Variants in TPH2 observed in about 807,000 individuals in gnomAD.
TPH2 encodes tryptophan 5-hydroxylase 2.
Under a neutral mutation model 59.1 loss-of-function variants are expected in TPH2, and 27 were observed. The ratio of observed to expected loss-of-function variants is 0.46; its 90% CI spans 0.34 to 0.63. The LOEUF (loss-of-function observed/expected upper bound fraction) is 0.63. Among genes scored for constraint, TPH2 ranks in the 30% least tolerant of loss-of-function variants. TPH2 has a pLI of 0.01. For missense variants in TPH2, 523 were observed against 588.3 expected, an observed-to-expected ratio of 0.89 and a Z score of 1.15; for synonymous variants, 220 against 210.5, an observed-to-expected ratio of 1.05 and a Z score of -0.39.
At chr12:71,939,150 C>T (rs1870983859) in intron 1 of TPH2, 59 bp downstream of exon 1, 4 of 1,282,396 alleles carry the variant, frequency 3.1e-6, no homozygotes, top group Non-Finnish European at 4.5e-6. Context: ...ACCATCTTCT[C>T]CTCACCATAT....
chr12:71,986,271 C>T (rs1389251577), intron 7 of TPH2, among the ~76,000 whole-genome samples: 1 of 152,160 alleles, frequency 6.6e-6, no homozygotes, highest in African/African-American at 2.4e-5. Context: ...CACCCTTACT[C>T]GGCACCTCTT....
At chr12:71,940,148 C>G (rs1052117499) in intron 1 of TPH2, among the ~76,000 whole-genome samples, 9 of 152,128 alleles carry the variant, frequency 5.9e-5, no homozygotes, top group African/African-American at 2.2e-4. Context: ...TCATAATTAA[C>G]TGCTAGAAGG....
At chr12:72,029,802 C>G (rs192564727) in intron 9 of TPH2, among the ~76,000 whole-genome samples, 287 of 152,214 alleles carry the variant, frequency 1.9e-3, no homozygotes, top group South Asian at 0.011. Flanking sequence ...ACATGTCAGT[C>G]TTTTGGTTCT....
intron 6 of TPH2, among the ~76,000 whole-genome samples, chr12:71,973,339 C>A (rs1872026279): frequency 6.6e-6 from 1 of 152,174 alleles, no homozygotes; most frequent in Admixed American, 6.5e-5. Context: ...CAGCCAAAAC[C>A]TATCAAAACC....
At chr12:71,944,547 T>C (rs1871153433) in intron 3 of TPH2, 39 bp from the exon 4 acceptor site, 2 of 1,613,588 alleles carry the variant, frequency 1.2e-6, no homozygotes, top group Non-Finnish European at 1.7e-6. Context: ...AAACACAATC[T>C]GTGAACTAAT....
intron 9 of TPH2, among the ~76,000 whole-genome samples, chr12:72,024,304 G>A (rs1351018268): frequency 6.6e-6 from 1 of 152,252 alleles, no homozygotes; most frequent in Admixed American, 6.5e-5. Context: ...CAGTCTGTCA[G>A]TGGAGAGCCA....
At chr12:72,016,227 T>C (rs1003053974) in intron 8 of TPH2, among the ~76,000 whole-genome samples, 4 of 152,150 alleles carry the variant, frequency 2.6e-5, no homozygotes, top group African/African-American at 9.7e-5. Flanking sequence ...GGAAGCCTTC[T>C]TCTGGTTGAG....
At chr12:72,009,841 G>C (rs1250441421) in intron 8 of TPH2, among the ~76,000 whole-genome samples, 4 of 152,124 alleles carry the variant, frequency 2.6e-5, no homozygotes, top group African/African-American at 9.7e-5. Context: ...CAATTCTGGG[G>C]GCCTGTAATG....
intron 4 of TPH2, among the ~76,000 whole-genome samples, chr12:71,945,622 A>AC (rs1372981567): frequency 2.0e-5 from 3 of 152,042 alleles, no homozygotes; most frequent in Non-Finnish European, 2.9e-5. Context: ...TCTAAGTGCG[A>AC]CCCCAACATC....
intron 7 of TPH2, among the ~76,000 whole-genome samples, chr12:71,982,280 C>T (rs1291325648): frequency 1.3e-5 from 2 of 151,886 alleles, no homozygotes; most frequent in Non-Finnish European, 2.9e-5. Flanking sequence ...GCTGGGATTA[C>T]AGGCCATTCA....
chr12:71,970,399 T>G (rs975944304), intron 5 of TPH2, among the ~76,000 whole-genome samples: 3 of 152,234 alleles, frequency 2.0e-5, no homozygotes, highest in Admixed American at 1.3e-4. Context: ...AATTTCTTCC[T>G]ATCCTAATTT....
At chr12:71,965,196 G>A (rs1016489623) in intron 5 of TPH2, 1 of 152,190 alleles carries the variant, frequency 6.6e-6, no homozygotes, top group Non-Finnish European at 1.5e-5. Context: ...TGATGGACAT[G>A]TAGGTTGATT....
intron 8 of TPH2, among the ~76,000 whole-genome samples, chr12:71,999,377 A>G (rs1592405203): frequency 6.6e-6 from 1 of 152,196 alleles, no homozygotes; most frequent in African/African-American, 2.4e-5. Context: ...TATACATGTA[A>G]ATAATTTGCC....
intron 7 of TPH2, among the ~76,000 whole-genome samples, chr12:71,982,032 T>TTTTTTTTTTTTTTTTTTTTTTG: frequency 6.9e-6 from 1 of 144,428 alleles, no homozygotes; most frequent in African/African-American, 2.6e-5. Context: ...TTTTTTTTTT[T>TTTTTTTTTTTTTTTTTTTTTTG]AGACAGAGTC....
intron 6 of TPH2, among the ~76,000 whole-genome samples, chr12:71,974,162 C>G (rs1270617984): frequency 6.6e-6 from 1 of 152,072 alleles, no homozygotes; most frequent in East Asian, 1.9e-4. Flanking sequence ...TCTATCAGTA[C>G]TGTTTTTTCT....
intron 8 of TPH2, among the ~76,000 whole-genome samples, chr12:72,000,345 G>A (rs1872791047): frequency 6.6e-6 from 1 of 152,190 alleles, no homozygotes; most frequent in East Asian, 1.9e-4. Flanking sequence ...TTTACAGTCT[G>A]TGGACCCTAA....
intron 6 of TPH2, among the ~76,000 whole-genome samples, chr12:71,973,813 C>T (rs1386070093): frequency 6.6e-6 from 1 of 152,178 alleles, no homozygotes; most frequent in Non-Finnish European, 1.5e-5. Flanking sequence ...TTGATCAATA[C>T]TTTACATTAT....
intron 9 of TPH2, among the ~76,000 whole-genome samples, chr12:72,027,686 A>G (rs534249762): frequency 1.3e-5 from 2 of 152,338 alleles, no homozygotes; most frequent in East Asian, 3.9e-4. Flanking sequence ...TTTATATTCA[A>G]AAAGCTGGAA....
intron 7 of TPH2, among the ~76,000 whole-genome samples, chr12:71,985,755 A>T (rs1431305811): frequency 6.6e-6 from 1 of 151,934 alleles, no homozygotes; most frequent in Non-Finnish European, 1.5e-5. Context: ...AACCCTAAAG[A>T]CTGTTTATGG....
Sources: allele counts gnomAD v4.1 joint callset (sites outside exome capture counted in the v4.1 genomes callset), GRCh38; gene constraint gnomAD v4.1.1; transcripts MANE v1.5; gene names NCBI Gene and HGNC (gene_info 2026-07-23, HGNC 2026-07-21).